The following ZC3H7B variants were observed in gnomAD, a reference collection of about 807,000 sequenced individuals.
ZC3H7B encodes zinc finger CCCH domain-containing protein 7B.
In ZC3H7B, 35 loss-of-function variants were observed where a neutral mutation model predicts 116.0. The ratio of observed to expected loss-of-function variants is 0.30; its 90% CI spans 0.23 to 0.40. ZC3H7B has a LOEUF of 0.40. Ranked by LOEUF, ZC3H7B falls within the 10% of genes least tolerant of loss-of-function variation. The pLI is 1.00. For missense variants in ZC3H7B, 1,011 were observed against 1,321.5 expected (o/e 0.77, Z 3.64); for synonymous variants, 502 against 545.6 (o/e 0.92, Z 1.11).
At chr22:41,343,279 G>A in intron 12 of ZC3H7B, 136 bp from the exon 13 acceptor site, 1 of 1,134,986 alleles carries the variant, frequency 8.8e-7, no homozygotes, top group Non-Finnish European at 1.2e-6. Context: ...GGGTGTGGTG[G>A]GAGCTGGCAG....
At position 41,325,798 on chromosome 22, in the gene ZC3H7B, T is replaced by C. The variant is rs893780228; in HGVS notation, c.165T>C (p.Ala55=). Residue 55 remains alanine (A), a synonymous_variant, in exon 4 of 23, where the codon GCT becomes GCC. Transcript: ENST00000352645. ...TCCGGGAGAAGGACTATAAGCAGGC[T>C]CTGGTGCAGTACATGGAAGGGCTGA... ...DLFREKDYKQ[A]LVQYMEGLNV... is the part of the protein sequence containing the mutation. 1.2e-6 allele frequency: 2 copies of C among 1,613,876 alleles called. No homozygotes were observed. Among genetic ancestry groups the C allele is most frequent in the Non-Finnish European group, 1.7e-6 (2 of 1,179,982 alleles).
rs188562590 is a variant in ZC3H7B, at chr22:41,316,290, G to A, written c.-6-4365G>A. 4.9e-3 allele frequency among the ~76,000 whole-genome samples: 730 copies of A among 149,872 alleles called. 3 individuals carry two copies. Among genetic ancestry groups the A allele is most frequent in the Middle Eastern group, 0.021 (6 of 290 alleles). ...TTATAGGAGTAAGCCACCATGCCTG[G>A]CCATTTTTTTTTTTTTCTTTTTTTG... On this transcript the variant is annotated intron_variant, in intron 1 of 22. Coordinates refer to ENST00000352645, the MANE Select transcript of ZC3H7B (RefSeq NM_017590.6).
chr22:41,358,771 AC>A lies in ZC3H7B; in HGVS notation c.*1348del, dbSNP rs554540398. On this transcript the variant is annotated 3_prime_UTR_variant, in exon 23 of 23. Coordinates refer to ENST00000352645, the MANE Select transcript of ZC3H7B (RefSeq NM_017590.6). The stretch of plus-strand genomic sequence containing the variant: ...CCTCTCGTCTGACATGTCTGTGTGC[AC>A]CCCCCTCCTCTCCACCCTACCTTCC... 3.3e-4 allele frequency: 49 copies of A among 150,116 alleles called. No homozygotes were observed. Among genetic ancestry groups the A allele is most frequent in the South Asian group, 3.2e-3 (15 of 4,722 alleles). The allele number at this position is 150,116 out of a possible 1,614,324, so 9.3% of individuals were successfully genotyped here. A position where few individuals can be genotyped will look rare whatever the true frequency, so the allele number is the denominator to read the frequency against.
At chr22:41,336,771 G>C (rs1041147673) in intron 7 of ZC3H7B, 5 of 152,116 alleles carry the variant, frequency 3.3e-5, no homozygotes, top group African/African-American at 1.2e-4. Flanking sequence ...TTGAATGTGG[G>C]AGTCGGAGGT....
chr22:41,307,793 A>G (rs920628185), intron 1 of ZC3H7B, among the ~76,000 whole-genome samples: 4 of 152,162 alleles, frequency 2.6e-5, no homozygotes, highest in Non-Finnish European at 4.4e-5. Context: ...AGAAAGACTA[A>G]GTTAACACTT....
intron 1 of ZC3H7B, among the ~76,000 whole-genome samples, chr22:41,303,700 C>T (rs1394398574): frequency 5.9e-5 from 9 of 152,346 alleles, no homozygotes; most frequent in South Asian, 4.1e-4. Context: ...TCCAAATCGT[C>T]ACCCTTTCCC....
At position 41,357,652 on chromosome 22, in the gene ZC3H7B, C is replaced by T. The variant is rs2036740889; in HGVS notation, c.*223C>T. ...GGAGGCCCCGCTGAAACCTGGGCTG[C>T]CCTTCCCCCACCCCCACGGCTCTCC... On this transcript the variant is annotated 3_prime_UTR_variant, in exon 23 of 23. Transcript: ENST00000352645. This position sits in a 1 kb window ranked among gnomAD's most constrained non-coding sequence, Gnocchi z 5.4. The T allele has an allele frequency of 2.8e-5, 18 of 636,700 alleles. No individual in the cohort carries two copies. In the East Asian group the frequency reaches 5.1e-4, roughly 18 times the overall value. 39.4% of individuals were successfully genotyped at this position (636,700 alleles called of 1,614,324 possible). A position where few individuals can be genotyped will look rare whatever the true frequency, so the allele number is the denominator to read the frequency against.
chr22:41,356,377 G>C lies in ZC3H7B; in HGVS notation c.2418G>C (p.Leu806=). ...TGCAGCAGACCTATGACATGTGGCT[G>C]AAAAAACACAACCCAGGAAAGCCTG... The part of the protein sequence containing the change: ...LDMQQTYDMW[L]KKHNPGKPGE... Residue 806 remains leucine, a synonymous_variant, in exon 21 of 23, where the codon CTG becomes CTC. Coordinates refer to ENST00000352645, the MANE Select transcript of ZC3H7B (RefSeq NM_017590.6). The C allele has an allele frequency of 6.2e-7, 1 of 1,614,120 alleles. No individual in the cohort carries two copies. Among genetic ancestry groups the C allele is most frequent in the Non-Finnish European group, 8.5e-7 (1 of 1,180,038 alleles).
intron 1 of ZC3H7B, among the ~76,000 whole-genome samples, chr22:41,304,837 G>A (rs1191810917): frequency 6.6e-6 from 1 of 152,176 alleles, no homozygotes; most frequent in Non-Finnish European, 1.5e-5. Flanking sequence ...GGATTTGTGT[G>A]CCCAGCCCAA....
chr22:41,347,065 G>A (rs777570687), intron 14 of ZC3H7B, among the ~76,000 whole-genome samples: 6 of 151,972 alleles, frequency 3.9e-5, no homozygotes, highest in Non-Finnish European at 7.4e-5. Flanking sequence ...TCAGGGTAGC[G>A]AGGAACTGCC....
intron 9 of ZC3H7B, 127 bp downstream of exon 9, chr22:41,339,318 C>G: frequency 1.7e-6 from 2 of 1,174,510 alleles, no homozygotes; most frequent in Non-Finnish European, 2.3e-6. Context: ...TCAGTAGGGA[C>G]TTGTTTGGTA....
chr22:41,340,387 C>A (rs1323588433), intron 10 of ZC3H7B, among the ~76,000 whole-genome samples: 1 of 152,058 alleles, frequency 6.6e-6, no homozygotes, highest in Non-Finnish European at 1.5e-5. Flanking sequence ...TCTAGACTCC[C>A]AGTCTGGTGC....
chr22:41,306,437 G>T (rs1311461981), intron 1 of ZC3H7B, among the ~76,000 whole-genome samples: 1 of 147,908 alleles, frequency 6.8e-6, no homozygotes. Context: ...GGGATGGCAC[G>T]ATCTTGGCTC....
chr22:41,325,856 G>T lies in ZC3H7B; in HGVS notation c.223G>T (p.Ala75Ser). Residue 75 changes from alanine (A) to serine (S), a missense_variant, in exon 4 of 23, where the codon GCC (alanine) becomes TCC (serine). Coordinates refer to ENST00000352645, the MANE Select transcript of ZC3H7B (RefSeq NM_017590.6). ...CGACTACGCTGCCTCTGACCAGGTG[G>T]CCCTGCCCCGGGAGCTGCTGTGCAA... Reference protein sequence around the residue: ...VADYAASDQVALPRELLCKLH... With the variant: ...VADYAASDQVSLPRELLCKLH... 1 of 1,612,420 alleles carries T rather than the reference G, an allele frequency of 6.2e-7. No individual in the cohort carries two copies. The highest frequency in any genetic ancestry group is 8.5e-7 in the Non-Finnish European group (1 of 1,179,694).
chr22:41,337,571 G>T (rs2036462632), intron 7 of ZC3H7B, among the ~76,000 whole-genome samples: 1 of 152,178 alleles, frequency 6.6e-6, no homozygotes, highest in Admixed American at 6.5e-5. Context: ...GGGGGGCCTG[G>T]GGCTACCGTG....
At chr22:41,319,638 C>A (rs541510299) in intron 1 of ZC3H7B, among the ~76,000 whole-genome samples, 31 of 150,404 alleles carry the variant, frequency 2.1e-4, no homozygotes, top group African/African-American at 7.1e-4. Context: ...CCCTGTCACT[C>A]TATCTTATTA....
In ZC3H7B at chr22:41,327,484, G is replaced by A. The variant is rs2036333582; in HGVS notation, c.444+120G>A. 2.2e-6 allele frequency: 3 copies of A among 1,337,236 alleles called. No individual in the cohort carries two copies. The highest frequency in any genetic ancestry group is 4.4e-5 in the Admixed American group (2 of 45,676). The allele number at this position is 1,337,236 out of a possible 1,614,324, so 82.8% of individuals were successfully genotyped here. ...TGTCTCACTTCCTCCCCTGTGACAT[G>A]GCCATGCAGATCCTGATGTTAACAC... On this transcript the variant is annotated intron_variant, in intron 5 of 22. Transcript: ENST00000352645. The surrounding 1 kb of genome is among the most constrained non-coding windows in gnomAD (Gnocchi z 4.5).
intron 4 of ZC3H7B, among the ~76,000 whole-genome samples, 171 bp downstream of exon 4, chr22:41,326,089 A>G (rs936528978): frequency 1.2e-4 from 19 of 152,180 alleles, no homozygotes; most frequent in Non-Finnish European, 4.4e-5. Context: ...ACTGTACAAC[A>G]TGCTCAGCTG....
chr22:41,352,341 T>C (rs988828143), intron 17 of ZC3H7B, among the ~76,000 whole-genome samples: 1 of 152,240 alleles, frequency 6.6e-6, no homozygotes, highest in Non-Finnish European at 1.5e-5. Context: ...GACAATCTAA[T>C]TAAACTTTCA....
Sources: allele counts gnomAD v4.1 joint callset (sites outside exome capture counted in the v4.1 genomes callset), GRCh38; gene constraint gnomAD v4.1.1; non-coding constraint Gnocchi (gnomAD v3.1); transcripts MANE v1.5; gene names NCBI Gene and HGNC (gene_info 2026-07-23, HGNC 2026-07-21).